The following KCNMB2 variants were observed in gnomAD, a reference collection of about 807,000 sequenced individuals.
The protein encoded by KCNMB2 is potassium calcium-activated channel subfamily M regulatory beta subunit 2.
In KCNMB2, 9 loss-of-function variants were observed where a neutral mutation model predicts 24.5. That is an observed-to-expected ratio of 0.37 (90% CI 0.22 to 0.64). The LOEUF (loss-of-function observed/expected upper bound fraction) is 0.64. Among genes scored for constraint, KCNMB2 ranks in the 30% least tolerant of loss-of-function variants. The pLI, the probability that KCNMB2 is intolerant of heterozygous loss-of-function variation, is 0.63. For missense variants in KCNMB2, 226 were observed against 284.3 expected, an observed-to-expected ratio of 0.79 and a Z score of 1.47; for synonymous variants, 109 against 104.4, an observed-to-expected ratio of 1.04 and a Z score of -0.27.
At chr3:178,791,641 C>T (rs1713329215) in intron 1 of KCNMB2, among the ~76,000 whole-genome samples, 1 of 152,070 alleles carries the variant, frequency 6.6e-6, no homozygotes, top group African/African-American at 2.4e-5. Context: ...GGTTATAAAA[C>T]ACCAAACAGA....
At chr3:178,662,562 T>C (rs986068288) in intron 1 of KCNMB2, among the ~76,000 whole-genome samples, 8 of 152,164 alleles carry the variant, frequency 5.3e-5, no homozygotes, top group South Asian at 2.1e-4. Context: ...ATCTATTACA[T>C]GGTGCAAAGA....
chr3:178,755,225 T>C (rs1003815163), intron 1 of KCNMB2, among the ~76,000 whole-genome samples: 2 of 152,214 alleles, frequency 1.3e-5, no homozygotes, highest in Admixed American at 6.5e-5. Context: ...GCCCCATGAA[T>C]GAACCTGGCA....
intron 1 of KCNMB2, among the ~76,000 whole-genome samples, chr3:178,712,450 G>A (rs987918261): frequency 3.9e-5 from 6 of 152,188 alleles, no homozygotes; most frequent in South Asian, 2.1e-4. Flanking sequence ...GGTGCCAGCC[G>A]AGAGTCTGGG....
chr3:178,793,999 T>C (rs1713431371), intron 1 of KCNMB2, among the ~76,000 whole-genome samples: 1 of 152,008 alleles, frequency 6.6e-6, no homozygotes, highest in South Asian at 2.1e-4. Context: ...CATTAGTGAG[T>C]GGATGGACAT....
In KCNMB2 at chr3:178,843,256, C is replaced by T. The variant is rs1223343379; in HGVS notation, c.*319C>T. The T allele has an allele frequency of 1.2e-5, 6 of 482,566 alleles. No homozygotes were observed. Among genetic ancestry groups the T allele is most frequent in the Admixed American group, 2.3e-5 (1 of 43,346 alleles). 29.9% of individuals were successfully genotyped at this position (482,566 alleles called of 1,614,324 possible). A position where few individuals can be genotyped will look rare whatever the true frequency, so the allele number is the denominator to read the frequency against. On this transcript the variant is annotated 3_prime_UTR_variant, in exon 5 of 5. Transcript: ENST00000452583. ...AAGCTTCGTGGAGGAATGTAGGTGA[C>T]ATCAATGTGATAAAGTCTGTGTTCT...
chr3:178,607,319 T>C (rs1412084453), intron 1 of KCNMB2, among the ~76,000 whole-genome samples: 1 of 152,190 alleles, frequency 6.6e-6, no homozygotes, highest in Non-Finnish European at 1.5e-5. Context: ...AAAGGCTAAG[T>C]TGATAATAAA....
chr3:178,646,236 G>C (rs1372322722), intron 1 of KCNMB2, among the ~76,000 whole-genome samples: 1 of 152,174 alleles, frequency 6.6e-6, no homozygotes, highest in East Asian at 1.9e-4. Flanking sequence ...AGCTGTAGGG[G>C]AGAGCCCAAG....
At chr3:178,812,271 T>C (rs1714222216) in intron 2 of KCNMB2, among the ~76,000 whole-genome samples, 2 of 152,180 alleles carry the variant, frequency 1.3e-5, no homozygotes, top group South Asian at 2.1e-4. Context: ...AGTTTTAGGG[T>C]ACATGTGCAC....
chr3:178,767,219 C>T (rs868041057), intron 1 of KCNMB2, among the ~76,000 whole-genome samples: 1 of 152,100 alleles, frequency 6.6e-6, no homozygotes. Context: ...AAAGGAATAA[C>T]GTTAAAGCAA....
chr3:178,638,155 C>T (rs1362359510), intron 1 of KCNMB2, among the ~76,000 whole-genome samples: 2 of 152,124 alleles, frequency 1.3e-5, no homozygotes, highest in African/African-American at 2.4e-5. Flanking sequence ...GTCTTCCAGC[C>T]CATTCTGGAA....
intron 1 of KCNMB2, among the ~76,000 whole-genome samples, chr3:178,699,218 G>T (rs1052197015): frequency 1.3e-5 from 2 of 152,342 alleles, no homozygotes; most frequent in South Asian, 2.1e-4. Flanking sequence ...ATCACTCAGG[G>T]CATAGAAGGA....
At chr3:178,560,195 C>G (rs940999625) in intron 1 of KCNMB2, among the ~76,000 whole-genome samples, 1 of 151,642 alleles carries the variant, frequency 6.6e-6, no homozygotes, top group African/African-American at 2.4e-5. Context: ...CAAAATACTT[C>G]AAGTTTTCCA....
chr3:178,714,293 G>A (rs192484274), intron 1 of KCNMB2, among the ~76,000 whole-genome samples: 3 of 152,166 alleles, frequency 2.0e-5, no homozygotes, highest in African/African-American at 7.2e-5. Context: ...CTAGACATAA[G>A]CTACACTTCT....
At chr3:178,712,336 A>G (rs1577117626) in intron 1 of KCNMB2, among the ~76,000 whole-genome samples, 1 of 152,318 alleles carries the variant, frequency 6.6e-6, no homozygotes, top group East Asian at 1.9e-4. Flanking sequence ...TTCCCTGAAG[A>G]CTGTTCAGTT....
At chr3:178,579,633 TAAA>T (rs1290976507) in intron 1 of KCNMB2, among the ~76,000 whole-genome samples, 1 of 151,958 alleles carries the variant, frequency 6.6e-6, no homozygotes, top group Non-Finnish European at 1.5e-5. Context: ...TCCAGGCTAA[TAAA>T]GAAGAAATGA....
In KCNMB2 at chr3:178,765,382, TTC is replaced by T. The variant is rs77376808; in HGVS notation, c.-67-41959_-67-41958del. ...AATACTTACTACAGCCTGGCTCATT[TTC>T]TGTTTTATAAAATAAAACCACCTCT... On this transcript the variant is annotated intron_variant, in intron 1 of 4. Transcript: ENST00000452583. 8.0e-3 allele frequency among the ~76,000 whole-genome samples: 1,217 copies of T among 152,370 alleles called. 8 individuals are homozygous for T. Among genetic ancestry groups the T allele is most frequent in the East Asian group, 0.039 (200 of 5,190 alleles).
At chr3:178,625,867 G>A (rs889701720) in intron 1 of KCNMB2, among the ~76,000 whole-genome samples, 3 of 152,120 alleles carry the variant, frequency 2.0e-5, no homozygotes, top group African/African-American at 7.2e-5. Flanking sequence ...TGCATCAATG[G>A]CAAAAAGTAA....
chr3:178,790,316 G>A (rs552403421), intron 1 of KCNMB2, among the ~76,000 whole-genome samples: 1 of 152,176 alleles, frequency 6.6e-6, no homozygotes. Context: ...CTGGCTTTAA[G>A]TGTGACCCAG....
intron 1 of KCNMB2, among the ~76,000 whole-genome samples, chr3:178,789,807 T>C (rs150948397): frequency 7.8e-4 from 118 of 152,040 alleles, no homozygotes; most frequent in African/African-American, 2.7e-3. Flanking sequence ...AGGTCCTAAA[T>C]AAACTTGAAA....
Sources: gnomAD v4.1 joint callset for allele counts (sites outside exome capture counted in the v4.1 genomes callset) on GRCh38, gnomAD v4.1.1 for gene constraint, MANE v1.5 for transcripts, NCBI Gene and HGNC (gene_info 2026-07-23, HGNC 2026-07-21) for gene names.